ACAT1: variants seen among roughly 807,000 people sequenced by gnomAD.
ACAT1 encodes acetyl-CoA acetyltransferase 1.
A neutral mutation model predicts 47.3 loss-of-function variants in ACAT1; 28 were observed. That is an observed-to-expected ratio of 0.59 (90% CI 0.44 to 0.81). ACAT1 has a LOEUF of 0.81. ACAT1 is among the 30% of genes least tolerant of loss of function. ACAT1 has a pLI of 0.00. For missense variants in ACAT1, 469 were observed against 524.3 expected (o/e 0.89, Z 1.03); for synonymous variants, 181 against 173.6 (o/e 1.04, Z -0.34).
rs915585017 is a variant in ACAT1 at position 108,146,441 on chromosome 11, A to C, written c.1163+82A>C. The C allele has an allele frequency of 2.0e-6, 3 of 1,519,798 alleles. No homozygotes were observed. In the African/African-American group the frequency reaches 4.1e-5, roughly 21 times the overall value. The allele number at this position is 1,519,798 out of a possible 1,614,324, so 94.1% of individuals were successfully genotyped here. ...AACTTAAAACTGCTTCATAATTCCC[A>C]TTGCTCTTAAGTTTTCCTTCCTACC... On this transcript the variant is annotated intron_variant, in intron 11 of 11. Coordinates refer to ENST00000265838, the MANE Select transcript of ACAT1 (RefSeq NM_000019.4).
intron 5 of ACAT1, among the ~76,000 whole-genome samples, chr11:108,138,232 G>A (rs554440174): frequency 2.0e-5 from 3 of 152,002 alleles, no homozygotes; most frequent in South Asian, 2.1e-4. Context: ...TGATCAGCCC[G>A]CTTTGGCCTC....
chr11:108,130,076 C>G (rs78125510), intron 1 of ACAT1, among the ~76,000 whole-genome samples: 72 of 152,268 alleles, frequency 4.7e-4, no homozygotes, highest in Non-Finnish European at 8.1e-4. Context: ...ATGTTGCATT[C>G]TTTTGCTTCT....
chr11:108,137,063 A>G (rs2077482402), intron 5 of ACAT1: 2 of 152,158 alleles, frequency 1.3e-5, no homozygotes, highest in South Asian at 4.1e-4. Context: ...TCTGGCCTCA[A>G]AGGAGCATAG....
At chr11:108,140,508 G>A (rs1356225491) in intron 7 of ACAT1, among the ~76,000 whole-genome samples, 1 of 152,202 alleles carries the variant, frequency 6.6e-6, no homozygotes, top group Non-Finnish European at 1.5e-5. Context: ...AAGGTTACCG[G>A]GAGTGCCTCC....
intron 3 of ACAT1, 105 bp from the exon 4 acceptor site, chr11:108,134,112 CAAAA>C: frequency 8.2e-7 from 1 of 1,223,870 alleles, no homozygotes; most frequent in Non-Finnish European, 1.2e-6. Context: ...TCAAAACTGA[CAAAA>C]AAAAGAAACC....
At position 108,147,592 on chromosome 11, in the gene ACAT1, T is replaced by TA; in HGVS notation, c.*204dup. 1 of 686,892 alleles carries TA rather than the reference T, an allele frequency of 1.5e-6. No homozygotes were observed. Among genetic ancestry groups the TA allele is most frequent in the East Asian group, 3.8e-5 (1 of 26,034 alleles). 42.5% of individuals were successfully genotyped at this position (686,892 alleles called of 1,614,324 possible). A position where few individuals can be genotyped will look rare whatever the true frequency, so the allele number is the denominator to read the frequency against. ...ATTTCTTCTTCTGCTTTTTTCTTGGTAACCTTGAAAAGTTTGATACATTTT... is the reference window on the plus strand; with the variant it reads ...ATTTCTTCTTCTGCTTTTTTCTTGGTAAACCTTGAAAAGTTTGATACATTTT... On this transcript the variant is annotated 3_prime_UTR_variant, in exon 12 of 12. Transcript: ENST00000265838.
At chr11:108,120,289 G>T (rs772145443), upstream of ACAT1, among the ~76,000 whole-genome samples, 1 of 152,178 alleles carries the variant, frequency 6.6e-6, no homozygotes, top group Non-Finnish European at 1.5e-5. Context: ...TTAAGGCCAG[G>T]AGTTTGAGAC....
chr11:108,146,349 C>T lies in ACAT1; in HGVS notation c.1153C>T (p.His385Tyr). Residue 385 changes from histidine (H) to tyrosine (Y), a missense_variant, in exon 11 of 12, where the codon CAT becomes TAT. His to Tyr is a moderately conservative substitution (Grantham distance 83). Coordinates refer to ENST00000265838, the MANE Select transcript of ACAT1 (RefSeq NM_000019.4). ...NINGGAVSLG[H>Y]PIGMSGARIV... ...CAATGGAGGAGCTGTTTCTCTGGGACATCCAATTGGGTAGGTAAAAATAAT... is the reference window on the plus strand; with the variant it reads ...CAATGGAGGAGCTGTTTCTCTGGGATATCCAATTGGGTAGGTAAAAATAAT... 6.2e-7 allele frequency: 1 copy of T among 1,613,962 alleles called. No homozygotes were observed. The highest frequency in any genetic ancestry group is 8.5e-7 in the Non-Finnish European group (1 of 1,179,914).
chr11:108,133,985 T>C (rs1042779739), intron 3 of ACAT1, 48 bp downstream of exon 3: 31 of 1,510,536 alleles, frequency 2.1e-5, no homozygotes, highest in Non-Finnish European at 2.8e-5. Context: ...AAAGATTCCA[T>C]GGAAAAGATA....
intron 1 of ACAT1, among the ~76,000 whole-genome samples, chr11:108,130,188 G>A (rs907268826): frequency 5.9e-5 from 9 of 151,882 alleles, no homozygotes; most frequent in Admixed American, 1.3e-4. Context: ...AGTCCCCACC[G>A]TCATCCAACT....
intron 7 of ACAT1, among the ~76,000 whole-genome samples, chr11:108,140,469 G>C (rs1368005887): frequency 6.6e-6 from 1 of 152,182 alleles, no homozygotes; most frequent in South Asian, 2.1e-4. Context: ...AGTCAATACG[G>C]TATTTTAAAT....
upstream of ACAT1, among the ~76,000 whole-genome samples, chr11:108,119,835 A>G (rs1287061714): frequency 6.6e-6 from 1 of 152,208 alleles, no homozygotes; most frequent in Non-Finnish European, 1.5e-5. Context: ...GCTGTTGAAT[A>G]GAGAGGTTCT....
intron 6 of ACAT1, among the ~76,000 whole-genome samples, chr11:108,139,722 A>G (rs1285867768): frequency 1.3e-5 from 2 of 152,184 alleles, no homozygotes; most frequent in East Asian, 3.9e-4. Flanking sequence ...GTGCAGTGGC[A>G]CAGTCTTAGC....
intron 1 of ACAT1, among the ~76,000 whole-genome samples, chr11:108,127,399 G>A (rs112087419): frequency 0.14 from 20,609 of 151,648 alleles, 1,516 homozygotes; most frequent in Non-Finnish European, 0.17. Flanking sequence ...CAAATAGCTA[G>A]GGCTACAGGT....
intron 7 of ACAT1, 30 bp downstream of exon 7, chr11:108,140,245 A>G (rs746123275): frequency 6.2e-7 from 1 of 1,613,312 alleles, no homozygotes; most frequent in Non-Finnish European, 8.5e-7. Flanking sequence ...AAGGATGAAT[A>G]GACTTTTCAT....
At chr11:108,134,944 CAAAAAAAAAAAAAA>C (rs56229925) in intron 4 of ACAT1, among the ~76,000 whole-genome samples, 184 bp from the exon 5 acceptor site, 3 of 81,360 alleles carry the variant, frequency 3.7e-5, no homozygotes, top group South Asian at 4.8e-4. Flanking sequence ...GACTCCGTCT[CAAAAAAAAAAAAAA>C]AAAAAAAAAA....
At chr11:108,134,642 A>G (rs1338614406) in intron 4 of ACAT1, among the ~76,000 whole-genome samples, 6 of 66,914 alleles carry the variant, frequency 9.0e-5, no homozygotes, top group East Asian at 9.8e-4. Context: ...TGTCTGAAAG[A>G]AAAAAAAAAA....
chr11:108,119,049 CACTA>C (rs1347371080), upstream of ACAT1, among the ~76,000 whole-genome samples: 1 of 152,178 alleles, frequency 6.6e-6, no homozygotes, highest in African/African-American at 2.4e-5. Context: ...GCAACTGTGT[CACTA>C]ACTACTAGCT....
Position 108,147,549 on chromosome 11 carries a change from T to C in ACAT1, c.*159T>C, listed in dbSNP as rs2077746415. 1 of 1,002,122 alleles carries C rather than the reference T, an allele frequency of 1.0e-6. No homozygotes were observed. Among genetic ancestry groups the C allele is most frequent in the Non-Finnish European group, 1.4e-6 (1 of 699,022 alleles). The allele number at this position is 1,002,122 out of a possible 1,614,324, so 62.1% of individuals were successfully genotyped here. A position where few individuals can be genotyped will look rare whatever the true frequency, so the allele number is the denominator to read the frequency against. On this transcript the variant is annotated 3_prime_UTR_variant, in exon 12 of 12. Transcript: ENST00000265838. Reference sequence around the variant, plus strand: ...ATCAAAATGATGAAATCCCAAAACATTTTGAAATTAAAAATAAATTTCTTC... The same window carrying C: ...ATCAAAATGATGAAATCCCAAAACACTTTGAAATTAAAAATAAATTTCTTC...
Sources: allele counts gnomAD v4.1 joint callset (sites outside exome capture counted in the v4.1 genomes callset), GRCh38; gene constraint gnomAD v4.1.1; transcripts MANE v1.5; gene names NCBI Gene and HGNC (gene_info 2026-07-23, HGNC 2026-07-21).